The following ANO3 variants were observed in gnomAD, a reference collection of about 807,000 sequenced individuals.
The protein encoded by ANO3 is anoctamin 3, also known as anoctamin-3.
Under a neutral mutation model 144.8 loss-of-function variants are expected in ANO3, and 99 were observed. The observed-to-expected ratio is 0.68, with a 90% CI of 0.58 to 0.81. ANO3 has a LOEUF of 0.81. ANO3 is among the 30% of genes least tolerant of loss of function. The pLI is 0.00. For synonymous variants in ANO3, 414 were observed against 392.6 expected, an observed-to-expected ratio of 1.05 and a Z score of -0.64; for missense variants, 905 against 1,202.2, an observed-to-expected ratio of 0.75 and a Z score of 3.66.
At chr11:26,397,768 G>T (rs1857053108) in intron 1 of ANO3, among the ~76,000 whole-genome samples, 1 of 152,000 alleles carries the variant, frequency 6.6e-6, no homozygotes, top group Non-Finnish European at 1.5e-5. Context: ...TAGTGATCCT[G>T]CAGTGGTATA....
intron 1 of ANO3, among the ~76,000 whole-genome samples, chr11:26,214,144 A>C (rs1301778607): frequency 6.6e-6 from 1 of 152,068 alleles, no homozygotes; most frequent in Non-Finnish European, 1.5e-5. Flanking sequence ...TTTGAATAAA[A>C]TATAGCATCA....
intron 1 of ANO3, among the ~76,000 whole-genome samples, chr11:26,275,016 C>T (rs1853526995): frequency 6.6e-6 from 1 of 151,752 alleles, no homozygotes; most frequent in Non-Finnish European, 1.5e-5. Context: ...AAAAGGTTAC[C>T]TCAAAATGCT....
chr11:26,601,303 A>G (rs1215484655), intron 17 of ANO3, among the ~76,000 whole-genome samples: 2 of 152,198 alleles, frequency 1.3e-5, no homozygotes, highest in African/African-American at 2.4e-5. Flanking sequence ...AGTTGAGACC[A>G]TTTGCTATTT....
chr11:26,391,084 A>C (rs752239538), intron 1 of ANO3, among the ~76,000 whole-genome samples: 1 of 152,118 alleles, frequency 6.6e-6, no homozygotes, highest in African/African-American at 2.4e-5. Flanking sequence ...TCTAAAACTG[A>C]ATACTTGAGA....
chr11:26,245,918 G>A (rs920690593), intron 1 of ANO3, among the ~76,000 whole-genome samples: 4 of 152,224 alleles, frequency 2.6e-5, no homozygotes, highest in Non-Finnish European at 5.9e-5. Context: ...TATCTGTCCA[G>A]ATGGGTTGAC....
At chr11:26,351,173 C>T (rs917032713) in intron 1 of ANO3, among the ~76,000 whole-genome samples, 1 of 152,092 alleles carries the variant, frequency 6.6e-6, no homozygotes, top group Non-Finnish European at 1.5e-5. Flanking sequence ...TTTTTCTCTA[C>T]ATACTGATAA....
At chr11:26,232,407 A>G (rs1195133182) in intron 1 of ANO3, among the ~76,000 whole-genome samples, 2 of 152,088 alleles carry the variant, frequency 1.3e-5, no homozygotes, top group Non-Finnish European at 2.9e-5. Flanking sequence ...TGGTTACATC[A>G]TAGGGGACCC....
At chr11:26,246,306 C>G (rs889283272) in intron 1 of ANO3, among the ~76,000 whole-genome samples, 19 of 151,992 alleles carry the variant, frequency 1.3e-4, no homozygotes, top group Middle Eastern at 3.5e-3. Context: ...ATTTGTATCA[C>G]CAGTTTCCAA....
intron 1 of ANO3, among the ~76,000 whole-genome samples, chr11:26,289,081 AC>A (rs1853874708): frequency 6.6e-6 from 1 of 152,164 alleles, no homozygotes; most frequent in African/African-American, 2.4e-5. Flanking sequence ...ATGGAGGTAA[AC>A]CATACATATC....
rs1382275143 is a variant in ANO3 at position 26,616,446 on chromosome 11, T to TC, written c.1837-8016_1837-8015insC. ...CATCCTGCGTTTCTGGTTTTTTTTTTTTTTTTTTGGTAATTTGTTGCAAAG... is the reference window on the plus strand; with the variant it reads ...CATCCTGCGTTTCTGGTTTTTTTTTTCTTTTTTTTGGTAATTTGTTGCAAAG... On this transcript the variant is annotated intron_variant, in intron 17 of 26. Coordinates refer to ENST00000256737, the MANE Select transcript of ANO3 (RefSeq NM_031418.4). Among the ~76,000 whole-genome samples, 4 of 151,992 alleles carry TC rather than the reference T, an allele frequency of 2.6e-5. No individual in the cohort carries two copies. In the East Asian group the frequency reaches 7.7e-4, roughly 29 times the overall value.
chr11:26,225,513 C>T (rs542987862), intron 1 of ANO3, among the ~76,000 whole-genome samples: 11 of 152,020 alleles, frequency 7.2e-5, no homozygotes, highest in African/African-American at 2.6e-4. Flanking sequence ...CTAGCCTCTT[C>T]ATATGACATC....
chr11:26,568,102 T>C (rs1850668432), intron 14 of ANO3, among the ~76,000 whole-genome samples: 1 of 152,044 alleles, frequency 6.6e-6, no homozygotes, highest in East Asian at 1.9e-4. Flanking sequence ...CTTATTGATA[T>C]TTCATTCACT....
intron 20 of ANO3, among the ~76,000 whole-genome samples, chr11:26,637,064 C>G (rs573437254): frequency 6.6e-6 from 1 of 152,250 alleles, no homozygotes; most frequent in African/African-American, 2.4e-5. Context: ...TTTACACATT[C>G]CAAGTATGGG....
At chr11:26,338,130 C>A (rs199792379) in intron 1 of ANO3, among the ~76,000 whole-genome samples, 1 of 141,382 alleles carries the variant, frequency 7.1e-6, no homozygotes. Flanking sequence ...AAAAAAAAAA[C>A]AGCAAAAACA....
intron 1 of ANO3, among the ~76,000 whole-genome samples, chr11:26,194,779 T>A (rs1221498027): frequency 6.6e-6 from 1 of 152,100 alleles, no homozygotes. Context: ...TTGGTCAAGC[T>A]GGTCTCAAAC....
intron 1 of ANO3, among the ~76,000 whole-genome samples, chr11:26,415,626 C>A (rs913201405): frequency 3.3e-5 from 5 of 151,774 alleles, no homozygotes; most frequent in African/African-American, 1.2e-4. Flanking sequence ...TTCCATTTTC[C>A]TTTTTAAAGA....
intron 13 of ANO3, among the ~76,000 whole-genome samples, chr11:26,554,711 G>T (rs371570): frequency 0.018 from 2,669 of 152,064 alleles, 79 homozygotes; most frequent in African/African-American, 0.06. Flanking sequence ...CTCAAGTGGT[G>T]CTTTCCTTGA....
chr11:26,549,615 T>C lies in ANO3; in HGVS notation c.1289+2065T>C, dbSNP rs193231762. Among the ~76,000 whole-genome samples, 6 of 152,062 alleles carry C rather than the reference T, an allele frequency of 3.9e-5. No homozygotes were observed. In the East Asian group the frequency reaches 1.2e-3, roughly 29 times the overall value. On this transcript the variant is annotated intron_variant, in intron 12 of 26. Transcript: ENST00000256737. ...GTTTCTCAATTGCCCTGCACTTAAT[T>C]ATAGAAGTATATAACAATCAGGTTT...
At chr11:26,401,241 G>A (rs1349239781) in intron 1 of ANO3, among the ~76,000 whole-genome samples, 3 of 151,898 alleles carry the variant, frequency 2.0e-5, no homozygotes, top group Non-Finnish European at 4.4e-5. Flanking sequence ...TCAGTCATTG[G>A]GCATCCCCTG....
Sources: allele counts gnomAD v4.1 joint callset (sites outside exome capture counted in the v4.1 genomes callset), GRCh38; gene constraint gnomAD v4.1.1; transcripts MANE v1.5; gene names NCBI Gene and HGNC (gene_info 2026-07-23, HGNC 2026-07-21).